The following KDM1A variants were observed in gnomAD, a reference collection of about 807,000 sequenced individuals.
KDM1A encodes lysine-specific histone demethylase 1A.
In KDM1A, 49 loss-of-function variants were observed where a neutral mutation model predicts 109.4. That is an observed-to-expected ratio of 0.45 (90% CI 0.36 to 0.57). The LOEUF (loss-of-function observed/expected upper bound fraction) is 0.57, where lower values mean the gene tolerates loss of function less well. Ranked by LOEUF, KDM1A falls within the 20% of genes least tolerant of loss-of-function variation. The probability of loss-of-function intolerance (pLI) is 0.00; values close to 1 mark genes in which losing one functional copy is unlikely to be tolerated. For synonymous variants in KDM1A, 380 were observed against 415.4 expected, an observed-to-expected ratio of 0.91 and a Z score of 1.04; for missense variants, 668 against 1,116.6, an observed-to-expected ratio of 0.60 and a Z score of 5.73.
intron 2 of KDM1A, among the ~76,000 whole-genome samples, chr1:23,042,440 A>ATTATTATTATTATAAT (rs1553127465): frequency 4.6e-5 from 1 of 21,560 alleles, no homozygotes; most frequent in Non-Finnish European, 9.0e-5. Flanking sequence ...GAAATATATT[A>ATTATTATTATTATAAT]TTTTTTTTTT....
chr1:23,071,382 A>C, intron 13 of KDM1A, 23 bp downstream of exon 13: 1 of 1,568,180 alleles, frequency 6.4e-7, no homozygotes, highest in Non-Finnish European at 8.6e-7. Flanking sequence ...TACATGCCTA[A>C]CTGGTTTTAC....
At chr1:23,029,345 T>C (rs1641906251) in intron 1 of KDM1A, among the ~76,000 whole-genome samples, 1 of 152,218 alleles carries the variant, frequency 6.6e-6, no homozygotes, top group African/African-American at 2.4e-5. Flanking sequence ...AATTAGAATT[T>C]TTTAATTGAT....
chr1:23,081,732 G>A (rs1643625868), intron 19 of KDM1A, 159 bp downstream of exon 19: 2 of 871,718 alleles, frequency 2.3e-6, no homozygotes, highest in Admixed American at 5.9e-5. Context: ...CTAAGCGTGG[G>A]GTTCAGAAAA....
intron 12 of KDM1A, among the ~76,000 whole-genome samples, chr1:23,069,541 A>G (rs1177873063): frequency 6.6e-6 from 1 of 152,206 alleles, no homozygotes; most frequent in Non-Finnish European, 1.5e-5. Context: ...TTTTGAGAAA[A>G]TTTATGAATT....
At chr1:23,065,647 A>T (rs1643139858) in intron 9 of KDM1A, among the ~76,000 whole-genome samples, 1 of 152,154 alleles carries the variant, frequency 6.6e-6, no homozygotes, top group Admixed American at 6.6e-5. Context: ...TGTACCGGAG[A>T]TGCAGTCCTG....
chr1:23,026,108 T>A (rs565329341), intron 1 of KDM1A, among the ~76,000 whole-genome samples: 26 of 151,988 alleles, frequency 1.7e-4, no homozygotes, highest in African/African-American at 5.5e-4. Context: ...AAAATAAAAA[T>A]AAAAAAGGCA....
intron 1 of KDM1A, among the ~76,000 whole-genome samples, chr1:23,021,010 T>C (rs1029936008): frequency 2.0e-5 from 3 of 152,282 alleles, no homozygotes; most frequent in African/African-American, 7.2e-5. Flanking sequence ...GTAGTCAACA[T>C]TTAAATAAAA....
At chr1:23,064,894 CA>C (rs1277738981) in intron 9 of KDM1A, among the ~76,000 whole-genome samples, 1 of 152,174 alleles carries the variant, frequency 6.6e-6, no homozygotes, top group Non-Finnish European at 1.5e-5. Context: ...TAAATGGCTT[CA>C]AAAAGTCAAT....
chr1:23,057,574 C>T lies in KDM1A; in HGVS notation c.1072+9C>T, dbSNP rs1642867896. On this transcript the variant is annotated intron_variant, in intron 8 of 20. Coordinates refer to ENST00000400181, the MANE Select transcript of KDM1A (RefSeq NM_001009999.3). The stretch of plus-strand genomic sequence containing the variant: ...GGTGGTAACAGGTCTTGGTAAGTAG[C>T]TATTGGTTTGTGCTATATAGTACAT... The T allele has an allele frequency of 6.2e-7, 1 of 1,605,990 alleles. No homozygotes were observed. The highest frequency in any genetic ancestry group is 8.5e-7 in the Non-Finnish European group (1 of 1,172,902).
chr1:23,048,262 TTTTTA>T (rs929743853), intron 3 of KDM1A, among the ~76,000 whole-genome samples: 2 of 152,100 alleles, frequency 1.3e-5, no homozygotes, highest in Non-Finnish European at 2.9e-5. Flanking sequence ...TTGTTTTCAG[TTTTTA>T]TTTATTTTGA....
At chr1:23,067,468 A>G (rs182006691) in intron 10 of KDM1A, among the ~76,000 whole-genome samples, 30 of 152,282 alleles carry the variant, frequency 2.0e-4, no homozygotes, top group Non-Finnish European at 3.4e-4. Flanking sequence ...TTCAAATGAG[A>G]GGTAGAATCT....
rs1371887211 is a variant in KDM1A at position 23,056,049 on chromosome 1, CATTTT to C, written c.990+12_990+16del. Reference sequence around the variant, plus strand: ...CTTTTGGAAGCCAGGGTAAGAATTTCATTTTGAGTTTAGAGGCTTGACCTATTGGA... The same window carrying C: ...CTTTTGGAAGCCAGGGTAAGAATTTCGAGTTTAGAGGCTTGACCTATTGGA... On this transcript the variant is annotated intron_variant, in intron 7 of 20. Coordinates refer to ENST00000400181, the MANE Select transcript of KDM1A (RefSeq NM_001009999.3). The C allele has an allele frequency of 6.3e-7, 1 of 1,575,016 alleles. No homozygotes were observed. Among genetic ancestry groups the C allele is most frequent in the Non-Finnish European group, 8.7e-7 (1 of 1,145,176 alleles).
chr1:23,072,045 CCTTATA>C, intron 13 of KDM1A, 73 bp from the exon 14 acceptor site: 1 of 848,512 alleles, frequency 1.2e-6, no homozygotes, highest in East Asian at 2.6e-5. Flanking sequence ...ATGATCCAGA[CCTTATA>C]CTTTGTGGTA....
In KDM1A at chr1:23,083,495, C is replaced by G; in HGVS notation, c.*131C>G. ...GGGCTCCTGATCAGCTGATGGAGCT[C>G]CTGATTTGACAAAGGAGCTTGCCTC... On this transcript the variant is annotated 3_prime_UTR_variant, in exon 21 of 21. Transcript: ENST00000400181. 1 of 843,572 alleles carries G rather than the reference C, an allele frequency of 1.2e-6. No individual in the cohort carries two copies. 52.3% of individuals were successfully genotyped at this position (843,572 alleles called of 1,614,324 possible). A position where few individuals can be genotyped will look rare whatever the true frequency, so the allele number is the denominator to read the frequency against.
chr1:23,077,552 A>G (rs1643501721), intron 16 of KDM1A, among the ~76,000 whole-genome samples, 192 bp downstream of exon 16: 1 of 152,162 alleles, frequency 6.6e-6, no homozygotes, highest in African/African-American at 2.4e-5. Flanking sequence ...AAACTGGGAA[A>G]TCGAAGCAAG....
intron 9 of KDM1A, among the ~76,000 whole-genome samples, chr1:23,065,597 CT>C (rs1477600418): frequency 2.0e-5 from 3 of 152,192 alleles, no homozygotes; most frequent in African/African-American, 7.2e-5. Flanking sequence ...GGCTGACAAT[CT>C]CACATAATCT....
chr1:23,068,451 C>A, intron 10 of KDM1A, 88 bp from the exon 11 acceptor site: 1 of 1,104,774 alleles, frequency 9.1e-7, no homozygotes, highest in Non-Finnish European at 1.3e-6. Context: ...CATATTTTGA[C>A]CTTTATAAAC....
rs1641537661 is a variant in KDM1A, at chr1:23,019,525, G to C, written c.-72G>C. On this transcript the variant is annotated 5_prime_UTR_variant, in exon 1 of 21. Transcript: ENST00000400181. The stretch of plus-strand genomic sequence containing the variant: ...CGCGGGCAGCGTGAAGCGAGGCGAG[G>C]CAAGGCTTTTCGGACCCACGGAGCG... 1 of 1,325,078 alleles carries C rather than the reference G, an allele frequency of 7.5e-7. No homozygotes were observed. Among genetic ancestry groups the C allele is most frequent in the Middle Eastern group, 3.0e-4 (1 of 3,308 alleles). The allele number at this position is 1,325,078 out of a possible 1,614,324, so 82.1% of individuals were successfully genotyped here. A position where few individuals can be genotyped will look rare whatever the true frequency, so the allele number is the denominator to read the frequency against.
intron 15 of KDM1A, 32 bp from the exon 16 acceptor site, chr1:23,077,196 G>A (rs368117621): frequency 2.1e-5 from 34 of 1,601,556 alleles, no homozygotes; most frequent in Non-Finnish European, 2.8e-5. Flanking sequence ...TTAATAAAAG[G>A]TTGGAAATAT....
Sources: allele counts gnomAD v4.1 joint callset (sites outside exome capture counted in the v4.1 genomes callset), GRCh38; gene constraint gnomAD v4.1.1; transcripts MANE v1.5; gene names NCBI Gene and HGNC (gene_info 2026-07-23, HGNC 2026-07-21).